The following LRP1B variants were observed in gnomAD, a reference collection of about 807,000 sequenced individuals.
The protein encoded by LRP1B is LDL receptor related protein 1B.
In LRP1B, 217 loss-of-function variants were observed where a neutral mutation model predicts 556.6. The observed-to-expected ratio is 0.39, with a 90% CI of 0.35 to 0.44. LRP1B has a LOEUF of 0.44. Among genes scored for constraint, LRP1B ranks in the 20% least tolerant of loss-of-function variants. The pLI is 1.00. For missense variants in LRP1B, 5,053 were observed against 5,620.8 expected (o/e 0.90, Z 3.23); for synonymous variants, 2,047 against 1,865.8 (o/e 1.10, Z -2.50).
At chr2:140,646,201 C>T (rs1422201741) in intron 41 of LRP1B, among the ~76,000 whole-genome samples, 1 of 152,072 alleles carries the variant, frequency 6.6e-6, no homozygotes, top group Non-Finnish European at 1.5e-5. Context: ...GTTTCTTTTC[C>T]CCCCAGATAG....
At chr2:140,590,455 A>AT (rs1320147948) in intron 43 of LRP1B, among the ~76,000 whole-genome samples, 1 of 151,798 alleles carries the variant, frequency 6.6e-6, no homozygotes, top group East Asian at 1.9e-4. Context: ...GACTCCCAAT[A>AT]TGACTGTACT....
rs567973705 is a variant in LRP1B, at chr2:141,550,584, T to C, written c.206-70051A>G. ...CTCTGCGTTATCCAAAGGCTTCAAA[T>C]TACCCTTCAATATACATGTCTTTGG... On this transcript the variant is annotated intron_variant, in intron 2 of 90. Coordinates refer to ENST00000389484, the MANE Select transcript of LRP1B (RefSeq NM_018557.3). Among the ~76,000 whole-genome samples, 41 of 152,222 alleles carry C rather than the reference T, an allele frequency of 2.7e-4. No homozygotes were observed. The South Asian group carries it at 8.1e-3, about 30-fold the overall frequency.
At chr2:141,316,739 G>A (rs906839885) in intron 3 of LRP1B, among the ~76,000 whole-genome samples, 2 of 152,214 alleles carry the variant, frequency 1.3e-5, no homozygotes, top group African/African-American at 2.4e-5. Flanking sequence ...ACGCTGACTC[G>A]CATTAAGTTG....
intron 2 of LRP1B, among the ~76,000 whole-genome samples, chr2:141,764,729 A>G (rs1453107268): frequency 6.6e-6 from 1 of 152,130 alleles, no homozygotes; most frequent in Non-Finnish European, 1.5e-5. Flanking sequence ...TTAATAATAC[A>G]GTTTGTTTAA....
intron 20 of LRP1B, among the ~76,000 whole-genome samples, chr2:140,945,045 C>T (rs918668543): frequency 6.6e-6 from 1 of 152,052 alleles, no homozygotes; most frequent in African/African-American, 2.4e-5. Context: ...TAAGTGACTT[C>T]AGTAAAATTT....
chr2:141,551,005 C>T (rs1411011965), intron 2 of LRP1B, among the ~76,000 whole-genome samples: 1 of 151,936 alleles, frequency 6.6e-6, no homozygotes, highest in East Asian at 1.9e-4. Context: ...AACACAAATA[C>T]TGAATAAGTA....
chr2:140,548,811 G>C (rs945873225), intron 43 of LRP1B, among the ~76,000 whole-genome samples: 4 of 152,058 alleles, frequency 2.6e-5, no homozygotes, highest in African/African-American at 9.6e-5. Flanking sequence ...TGTAATCCCA[G>C]CTACTCAGGA....
chr2:141,653,846 C>G (rs917531017), intron 2 of LRP1B, among the ~76,000 whole-genome samples: 3 of 152,146 alleles, frequency 2.0e-5, no homozygotes, highest in Non-Finnish European at 4.4e-5. Flanking sequence ...TTGTGGTTTA[C>G]AGTATTTTCT....
intron 43 of LRP1B, among the ~76,000 whole-genome samples, chr2:140,552,519 C>T (rs1421603104): frequency 6.6e-6 from 1 of 152,180 alleles, no homozygotes; most frequent in South Asian, 2.1e-4. Flanking sequence ...CCTGCCATCT[C>T]GTTTTTCATT....
chr2:141,697,823 A>G (rs1691784652), intron 2 of LRP1B, among the ~76,000 whole-genome samples: 1 of 152,002 alleles, frequency 6.6e-6, no homozygotes, highest in Non-Finnish European at 1.5e-5. Flanking sequence ...GAAGAAGACT[A>G]GGTGGTAAAA....
At chr2:141,838,871 A>G (rs918617090) in intron 1 of LRP1B, among the ~76,000 whole-genome samples, 2 of 152,126 alleles carry the variant, frequency 1.3e-5, no homozygotes, top group Non-Finnish European at 2.9e-5. Flanking sequence ...CTTCTCTGTT[A>G]TAGTACTATG....
At chr2:140,414,118 G>C (rs1221735426) in intron 66 of LRP1B, among the ~76,000 whole-genome samples, 1 of 151,938 alleles carries the variant, frequency 6.6e-6, no homozygotes, top group African/African-American at 2.4e-5. Context: ...GTCTCACTAT[G>C]TTGCCCAGAC....
chr2:140,509,105 C>CACAG (rs1313276360), intron 52 of LRP1B, among the ~76,000 whole-genome samples: 2 of 151,296 alleles, frequency 1.3e-5, no homozygotes, highest in East Asian at 3.9e-4. Flanking sequence ...CACACACACA[C>CACAG]ACACAGACAC....
chr2:140,791,859 T>C (rs763914575), intron 32 of LRP1B, among the ~76,000 whole-genome samples: 2 of 152,202 alleles, frequency 1.3e-5, no homozygotes, highest in African/African-American at 2.4e-5. Context: ...AAGAATTATT[T>C]TGAGCTGAAG....
chr2:141,942,106 A>G (rs937035265), intron 1 of LRP1B, among the ~76,000 whole-genome samples: 1 of 152,110 alleles, frequency 6.6e-6, no homozygotes, highest in Non-Finnish European at 1.5e-5. Context: ...TTACTCAAAC[A>G]ATCAGTTCAT....
At chr2:141,074,585 C>CTATATATA (rs1412050314) in intron 7 of LRP1B, among the ~76,000 whole-genome samples, 7 of 94,394 alleles carry the variant, frequency 7.4e-5, no homozygotes, top group East Asian at 2.5e-4. Context: ...CTCTCTCTCT[C>CTATATATA]TCTCTATATA....
intron 85 of LRP1B, among the ~76,000 whole-genome samples, chr2:140,272,619 CTT>C (rs1358071970): frequency 6.6e-6 from 1 of 151,858 alleles, no homozygotes; most frequent in East Asian, 1.9e-4. Context: ...AAATGATTAA[CTT>C]TATTGCAATT....
At position 140,951,894 on chromosome 2, in the gene LRP1B, T is replaced by A; in HGVS notation, c.2934A>T (p.Gly978=). Residue 978 remains glycine, a synonymous_variant, in exon 19 of 91, where the codon GGA becomes GGT. Coordinates refer to ENST00000389484, the MANE Select transcript of LRP1B (RefSeq NM_018557.3). ...AGTGCCATTTGCTGCTAATGCATCTTCCACTTTTGCATACGAATTGGGTTA... is the reference window on the plus strand; with the variant it reads ...AGTGCCATTTGCTGCTAATGCATCTACCACTTTTGCATACGAATTGGGTTA... ...EPLTQFVCKS[G]RCISSKWHCD... 6.2e-7 allele frequency: 1 copy of A among 1,614,064 alleles called. No individual in the cohort carries two copies.
chr2:141,612,231 A>T (rs1688132851), intron 2 of LRP1B, among the ~76,000 whole-genome samples: 1 of 152,224 alleles, frequency 6.6e-6, no homozygotes, highest in Non-Finnish European at 1.5e-5. Flanking sequence ...TGTCTTTCAT[A>T]ATAGGAAAAC....
Sources: allele counts gnomAD v4.1 joint callset (sites outside exome capture counted in the v4.1 genomes callset), GRCh38; gene constraint gnomAD v4.1.1; transcripts MANE v1.5; gene names NCBI Gene and HGNC (gene_info 2026-07-23, HGNC 2026-07-21).